LDLRAD3: variants seen among roughly 807,000 people sequenced by gnomAD.
LDLRAD3 encodes low-density lipoprotein receptor class A domain-containing protein 3.
A neutral mutation model predicts 29.4 loss-of-function variants in LDLRAD3; 20 were observed. The ratio of observed to expected loss-of-function variants is 0.68; its 90% CI spans 0.48 to 0.99. The LOEUF is 0.99. Among genes scored for constraint, LDLRAD3 ranks in the 50% least tolerant of loss-of-function variants. The pLI, the probability that LDLRAD3 is intolerant of heterozygous loss-of-function variation, is 0.00. For synonymous variants in LDLRAD3, 157 were observed against 192.7 expected, an observed-to-expected ratio of 0.81 and a Z score of 1.53; for missense variants, 420 against 454.3, an observed-to-expected ratio of 0.92 and a Z score of 0.69.
intron 2 of LDLRAD3, among the ~76,000 whole-genome samples, chr11:36,067,915 C>T (rs942716827): frequency 2.6e-5 from 4 of 152,166 alleles, no homozygotes; most frequent in Admixed American, 2.0e-4. Flanking sequence ...GCAATCCACT[C>T]GTCTTGGCCT....
chr11:36,076,426 G>A (rs184479940), intron 2 of LDLRAD3, among the ~76,000 whole-genome samples: 4,077 of 150,792 alleles, frequency 0.027, 92 homozygotes, highest in Middle Eastern at 0.048. Context: ...TCTCTCTGTC[G>A]CCCAGGCTGG....
chr11:36,148,028 C>T (rs370987547), intron 4 of LDLRAD3, among the ~76,000 whole-genome samples: 1 of 152,026 alleles, frequency 6.6e-6, no homozygotes, highest in African/African-American at 2.4e-5. Context: ...CCACCACCAG[C>T]CTCGGCTAAT....
At chr11:36,016,756 C>T (rs1482022284) in intron 1 of LDLRAD3, among the ~76,000 whole-genome samples, 1 of 152,214 alleles carries the variant, frequency 6.6e-6, no homozygotes, top group African/African-American at 2.4e-5. Flanking sequence ...ATCTACATCT[C>T]TAGCGATGAA....
chr11:36,064,605 C>CTA (rs1161363067), intron 2 of LDLRAD3, among the ~76,000 whole-genome samples: 1 of 151,302 alleles, frequency 6.6e-6, no homozygotes, highest in Non-Finnish European at 1.5e-5. Context: ...CAGGCATGAG[C>CTA]TACCACTCTT....
At chr11:36,177,290 A>G (rs1205995689) in intron 4 of LDLRAD3, among the ~76,000 whole-genome samples, 2 of 152,188 alleles carry the variant, frequency 1.3e-5, no homozygotes, top group African/African-American at 4.8e-5. Context: ...TAGCTAAACA[A>G]TTGAGCTTCT....
rs60557347 is a variant in LDLRAD3, at chr11:36,060,353, C to CAA, written c.194-21280_194-21279dup. Among the ~76,000 whole-genome samples, 679 of 73,464 alleles carry CAA rather than the reference C, an allele frequency of 9.2e-3. 27 individuals are homozygous for CAA. Among genetic ancestry groups the CAA allele is most frequent in the Admixed American group, 0.077 (571 of 7,394 alleles). 48.2% of individuals were successfully genotyped at this position (73,464 alleles called of 152,430 possible). A position where few individuals can be genotyped will look rare whatever the true frequency, so the allele number is the denominator to read the frequency against. On this transcript the variant is annotated intron_variant, in intron 2 of 5. Coordinates refer to ENST00000315571, the MANE Select transcript of LDLRAD3 (RefSeq NM_174902.4). Reference sequence around the variant, plus strand: ...TGGGCGACAGAGCAAGACTCTGTCTCAAAAAAAAAAAAAAAAAAAAAGTTA... The same window carrying CAA: ...TGGGCGACAGAGCAAGACTCTGTCTCAAAAAAAAAAAAAAAAAAAAAAAGTTA...
At chr11:36,049,884 G>C (rs1402863674) in intron 2 of LDLRAD3, among the ~76,000 whole-genome samples, 1 of 152,190 alleles carries the variant, frequency 6.6e-6, no homozygotes, top group Non-Finnish European at 1.5e-5. Context: ...CAGTGTCTCA[G>C]ATTCTCTATG....
At chr11:36,199,368 A>T (rs1464753160) in intron 4 of LDLRAD3, among the ~76,000 whole-genome samples, 2 of 152,194 alleles carry the variant, frequency 1.3e-5, no homozygotes, top group Non-Finnish European at 2.9e-5. Flanking sequence ...CACAAAAGTC[A>T]CCTTTATAGA....
chr11:36,048,022 A>G (rs1348747403), intron 2 of LDLRAD3, among the ~76,000 whole-genome samples: 1 of 126,572 alleles, frequency 7.9e-6, no homozygotes, highest in Non-Finnish European at 1.7e-5. Flanking sequence ...CATAGCAGGC[A>G]CTTAATACGA....
chr11:36,010,740 C>T (rs1851944865), intron 1 of LDLRAD3, among the ~76,000 whole-genome samples: 1 of 152,166 alleles, frequency 6.6e-6, no homozygotes, highest in Admixed American at 6.5e-5. Context: ...GCAAAGCAGC[C>T]TGGGTGGAAA....
chr11:35,948,909 A>G (rs749736550), intron 1 of LDLRAD3, among the ~76,000 whole-genome samples: 8 of 152,204 alleles, frequency 5.3e-5, no homozygotes, highest in Non-Finnish European at 1.0e-4. Flanking sequence ...CAGCGGTGAC[A>G]GCCACAAATG....
At chr11:35,971,582 A>G (rs1211953336) in intron 1 of LDLRAD3, among the ~76,000 whole-genome samples, 2 of 152,158 alleles carry the variant, frequency 1.3e-5, no homozygotes, top group Non-Finnish European at 2.9e-5. Flanking sequence ...GCCAAGGAGA[A>G]TTCTTGAGAA....
chr11:36,128,844 G>A (rs1853882341), intron 4 of LDLRAD3, among the ~76,000 whole-genome samples: 1 of 140,582 alleles, frequency 7.1e-6, no homozygotes, highest in African/African-American at 2.5e-5. Flanking sequence ...GTGAGACTGT[G>A]TCTCAAGGAA....
intron 1 of LDLRAD3, chr11:35,967,292 C>T (rs1034835170): frequency 1.5e-5 from 3 of 196,566 alleles, no homozygotes; most frequent in African/African-American, 2.4e-5. Context: ...AGGTCTCTCT[C>T]CTGGATCAGG....
At position 36,137,117 on chromosome 11, in the gene LDLRAD3, A is replaced by G. The variant is rs1049559730; in HGVS notation, c.454+38656A>G. On this transcript the variant is annotated intron_variant, in intron 4 of 5. Coordinates refer to ENST00000315571, the MANE Select transcript of LDLRAD3 (RefSeq NM_174902.4). ...GGCAGGGCCAGAATTCAGCATAGAT[A>G]TTAGGAAGAGGTCCATGGAACATAA... Among the ~76,000 whole-genome samples, 5 of 152,212 alleles carry G rather than the reference A, an allele frequency of 3.3e-5. No individual in the cohort carries two copies. The South Asian group carries it at 1.0e-3, about 32-fold the overall frequency.
At chr11:36,217,674 C>T (rs1055839610) in intron 4 of LDLRAD3, among the ~76,000 whole-genome samples, 1 of 152,208 alleles carries the variant, frequency 6.6e-6, no homozygotes, top group East Asian at 1.9e-4. Context: ...GCCAGAAGTG[C>T]AAATTGAAGG....
chr11:36,163,993 G>T (rs1854480851), intron 4 of LDLRAD3, among the ~76,000 whole-genome samples: 1 of 152,202 alleles, frequency 6.6e-6, no homozygotes, highest in Admixed American at 6.5e-5. Flanking sequence ...ACTGGATTAA[G>T]AAAATAGAGA....
intron 2 of LDLRAD3, among the ~76,000 whole-genome samples, chr11:36,076,516 G>T (rs1329257939): frequency 1.3e-5 from 2 of 152,068 alleles, no homozygotes; most frequent in African/African-American, 2.4e-5. Context: ...CTCCTGAGTG[G>T]CTGGGACTAC....
At chr11:35,951,249 T>C (rs1008512882) in intron 1 of LDLRAD3, among the ~76,000 whole-genome samples, 3 of 152,192 alleles carry the variant, frequency 2.0e-5, no homozygotes, top group African/African-American at 4.8e-5. Flanking sequence ...GTCTGGTATA[T>C]ATCAATTTAG....
Sources: allele counts gnomAD v4.1 joint callset (sites outside exome capture counted in the v4.1 genomes callset), GRCh38; gene constraint gnomAD v4.1.1; transcripts MANE v1.5; gene names NCBI Gene and HGNC (gene_info 2026-07-23, HGNC 2026-07-21).